XPO5: variants seen among roughly 807,000 people sequenced by gnomAD.
XPO5 encodes exportin-5.
Under a neutral mutation model 160.6 loss-of-function variants are expected in XPO5, and 46 were observed. The observed-to-expected ratio is 0.29, with a 90% CI of 0.23 to 0.37. XPO5 has a LOEUF of 0.37. XPO5 is among the 10% of genes least tolerant of loss of function. The pLI is 1.00. For synonymous variants in XPO5, 537 were observed against 519.3 expected, an observed-to-expected ratio of 1.03 and a Z score of -0.46; for missense variants, 1,090 against 1,463.9, an observed-to-expected ratio of 0.74 and a Z score of 4.17.
In XPO5 at chr6:43,524,961, G is replaced by A. The variant is rs1286103143; in HGVS notation, c.3182C>T (p.Ser1061Leu). The A allele has an allele frequency of 6.2e-7, 1 of 1,613,120 alleles. No homozygotes were observed. The highest frequency in any genetic ancestry group is 8.5e-7 in the Non-Finnish European group (1 of 1,179,704). The change falls in exon 30 of 32, where the codon TCA becomes TTA. Residue 1061 changes from serine (S) to leucine (L), a missense_variant. Ser to Leu is a moderately radical substitution (Grantham distance 145, BLOSUM62 -2). Coordinates refer to ENST00000265351, the MANE Select transcript of XPO5 (RefSeq NM_020750.3). Reference protein sequence around the residue: ...LCWPLLKQVLSGTLLADAVTW... With the variant: ...LCWPLLKQVLLGTLLADAVTW... ...AACTGCATCTGCGAGCAGTGTCCCT[G>A]ACAGCACCTGGGGAGACAACTGTGC...
chr6:43,566,381 G>C (rs777290282), intron 7 of XPO5, among the ~76,000 whole-genome samples: 1 of 150,854 alleles, frequency 6.6e-6, no homozygotes, highest in Admixed American at 6.6e-5. Flanking sequence ...ACAACAGAAC[G>C]AGACTCCATC....
intron 20 of XPO5, among the ~76,000 whole-genome samples, chr6:43,542,545 G>T (rs535799599): frequency 1.3e-5 from 2 of 152,180 alleles, no homozygotes; most frequent in African/African-American, 4.8e-5. Context: ...GAGTAGCTGG[G>T]ATTACAGGCA....
intron 23 of XPO5, among the ~76,000 whole-genome samples, chr6:43,530,126 A>G (rs1218228131): frequency 2.0e-5 from 3 of 151,998 alleles, no homozygotes; most frequent in Admixed American, 1.3e-4. Context: ...GCGTAGTAGC[A>G]TGCGCCTGTA....
intron 20 of XPO5, among the ~76,000 whole-genome samples, chr6:43,543,839 G>A (rs1027523995): frequency 6.6e-6 from 1 of 151,908 alleles, no homozygotes; most frequent in Non-Finnish European, 1.5e-5. Context: ...ACCATGCCTG[G>A]CTAATTTTTG....
chr6:43,550,608 T>C (rs1348201179), intron 15 of XPO5, among the ~76,000 whole-genome samples: 1 of 152,250 alleles, frequency 6.6e-6, no homozygotes, highest in Non-Finnish European at 1.5e-5. Flanking sequence ...GTGGGACTAC[T>C]ATGATGATGA....
intron 13 of XPO5, among the ~76,000 whole-genome samples, chr6:43,554,168 G>A (rs774257592): frequency 7.3e-5 from 11 of 151,654 alleles, no homozygotes; most frequent in Non-Finnish European, 1.5e-4. Flanking sequence ...GGGCAGTGGC[G>A]AGATCTCGGC....
At chr6:43,525,987 C>G in intron 27 of XPO5, 66 bp from the exon 28 acceptor site, 1 of 1,572,262 alleles carries the variant, frequency 6.4e-7, no homozygotes, top group Non-Finnish European at 8.7e-7. Context: ...CTTGTTCTGA[C>G]AGAAGCGCAA....
Position 43,553,309 on chromosome 6 carries a change from AAAGAG to A in XPO5, c.1572+59_1572+63del, listed in dbSNP as rs1229775663. 3.3e-6 allele frequency: 5 copies of A among 1,536,766 alleles called. No individual in the cohort carries two copies. The African/African-American group carries it at 6.9e-5, about 21-fold the overall frequency. ...AGAGAGATATAGCGTCCCAAAATAG[AAAGAG>A]AAAAGAAAAGAAAAAGGTCAAAATA... On this transcript the variant is annotated intron_variant, in intron 14 of 31. Transcript: ENST00000265351.
chr6:43,538,684 A>G (rs1794500406), intron 20 of XPO5: 2 of 420,446 alleles, frequency 4.8e-6, no homozygotes, highest in Non-Finnish European at 8.3e-6. Flanking sequence ...TTAGGCCTAT[A>G]ATTTTCCTCT....
At chr6:43,573,176 C>T (rs1409373035) in intron 2 of XPO5, among the ~76,000 whole-genome samples, 2 of 152,140 alleles carry the variant, frequency 1.3e-5, no homozygotes, top group Admixed American at 1.3e-4. Flanking sequence ...TTGCATTACT[C>T]TAAAAAGGCT....
intron 7 of XPO5, among the ~76,000 whole-genome samples, chr6:43,566,832 A>C (rs982057077): frequency 2.6e-5 from 4 of 151,548 alleles, no homozygotes; most frequent in African/African-American, 9.7e-5. Context: ...AAAAAAAAAA[A>C]AGACAGATAT....
At chr6:43,524,407 T>C in intron 31 of XPO5, 64 bp downstream of exon 31, 1 of 1,547,858 alleles carries the variant, frequency 6.5e-7, no homozygotes, top group Non-Finnish European at 8.7e-7. Flanking sequence ...AGCTGGTTTA[T>C]GGTTTGCCCA....
chr6:43,542,316 T>C (rs1474372684), intron 20 of XPO5, among the ~76,000 whole-genome samples: 1 of 152,212 alleles, frequency 6.6e-6, no homozygotes, highest in East Asian at 1.9e-4. Flanking sequence ...CAACACCTTC[T>C]ATTATCAGAT....
intron 12 of XPO5, among the ~76,000 whole-genome samples, chr6:43,557,763 ATT>A (rs1211023072): frequency 6.8e-6 from 1 of 146,276 alleles, no homozygotes; most frequent in African/African-American, 2.6e-5. Context: ...TGGTAAATGA[ATT>A]TTGTCTCAAT....
chr6:43,525,241 A>C, intron 28 of XPO5, 27 bp from the exon 29 acceptor site: 2 of 1,553,150 alleles, frequency 1.3e-6, no homozygotes, highest in Non-Finnish European at 1.7e-6. Flanking sequence ...GAAGAGTTAC[A>C]ATGGAAAAAG....
At chr6:43,542,083 G>A (rs538959194) in intron 20 of XPO5, among the ~76,000 whole-genome samples, 22 of 152,102 alleles carry the variant, frequency 1.4e-4, no homozygotes, top group Admixed American at 3.3e-4. Flanking sequence ...GCACCCGGCC[G>A]ATTTTAGAAA....
At chr6:43,558,643 G>T (rs990794397) in intron 11 of XPO5, 52 bp from the exon 12 acceptor site, 4 of 1,397,056 alleles carry the variant, frequency 2.9e-6, no homozygotes, top group South Asian at 1.4e-5. Flanking sequence ...CCCACTGAAA[G>T]AGTTTTTAAG....
chr6:43,527,883 G>A (rs1233900156), intron 25 of XPO5, among the ~76,000 whole-genome samples, 152 bp from the exon 26 acceptor site: 1 of 152,220 alleles, frequency 6.6e-6, no homozygotes, highest in Admixed American at 6.5e-5. Context: ...GTGATCCACT[G>A]AAGGACATTA....
chr6:43,527,305 C>G (rs1793657953), intron 26 of XPO5: 1 of 220,346 alleles, frequency 4.5e-6, no homozygotes, highest in Non-Finnish European at 9.1e-6. Flanking sequence ...CGGAGTTTCA[C>G]TCTTTTGCCA....
Sources: allele counts gnomAD v4.1 joint callset (sites outside exome capture counted in the v4.1 genomes callset), GRCh38; gene constraint gnomAD v4.1.1; transcripts MANE v1.5; gene names NCBI Gene and HGNC (gene_info 2026-07-23, HGNC 2026-07-21).